MYCBP2: variants seen among roughly 807,000 people sequenced by gnomAD.
MYCBP2 encodes E3 ubiquitin-protein ligase MYCBP2.
A neutral mutation model predicts 525.3 loss-of-function variants in MYCBP2; 120 were observed. That is an observed-to-expected ratio of 0.23 (90% CI 0.20 to 0.27). The LOEUF (loss-of-function observed/expected upper bound fraction) is 0.27. Ranked by LOEUF, MYCBP2 falls within the 10% of genes least tolerant of loss-of-function variation. MYCBP2 has a pLI of 1.00. For synonymous variants in MYCBP2, 1,894 were observed against 1,955.8 expected, an observed-to-expected ratio of 0.97 and a Z score of 0.83; for missense variants, 4,149 against 5,657.1, an observed-to-expected ratio of 0.73 and a Z score of 8.55.
At chr13:77,133,363 CA>C (rs563003408) in intron 52 of MYCBP2, among the ~76,000 whole-genome samples, 12 of 152,236 alleles carry the variant, frequency 7.9e-5, no homozygotes, top group African/African-American at 2.6e-4. Flanking sequence ...ATGATCATAT[CA>C]AATGCAAAGA....
At chr13:77,272,813 T>G (rs1450187420) in intron 5 of MYCBP2, among the ~76,000 whole-genome samples, 1 of 152,156 alleles carries the variant, frequency 6.6e-6, no homozygotes, top group Non-Finnish European at 1.5e-5. Context: ...AGGCATCCCT[T>G]CCACCTGCCC....
chr13:77,294,180 G>T (rs12873969), intron 2 of MYCBP2, among the ~76,000 whole-genome samples: 5 of 98,106 alleles, frequency 5.1e-5, no homozygotes, highest in South Asian at 3.3e-4. Flanking sequence ...ATATAAAGTA[G>T]ATAAAATGCC....
intron 13 of MYCBP2, among the ~76,000 whole-genome samples, chr13:77,258,700 GGTAAGGGTGTGT>G (rs996129376): frequency 1.3e-5 from 2 of 151,792 alleles, no homozygotes; most frequent in Non-Finnish European, 2.9e-5. Context: ...ATTTGAAAAA[GGTAAGGGTGTGT>G]GTATATATAT....
intron 55 of MYCBP2, among the ~76,000 whole-genome samples, chr13:77,116,097 T>C (rs2049702972): frequency 6.6e-6 from 1 of 151,956 alleles, no homozygotes; most frequent in Non-Finnish European, 1.5e-5. Context: ...TAAGCCTATG[T>C]TTCCTTCTCT....
intron 10 of MYCBP2, among the ~76,000 whole-genome samples, chr13:77,262,333 C>T (rs2073434795): frequency 6.6e-6 from 1 of 152,010 alleles, no homozygotes; most frequent in South Asian, 2.1e-4. Context: ...ATCTGTTTCT[C>T]TTGTTCCAAA....
intron 51 of MYCBP2, 117 bp from the exon 52 acceptor site, chr13:77,139,453 G>T (rs778597055): frequency 1.6e-5 from 18 of 1,158,510 alleles, no homozygotes; most frequent in African/African-American, 4.6e-5. Flanking sequence ...TAAGCATCTA[G>T]TTTTTGCAGA....
chr13:77,193,008 A>G (rs2061429407), intron 27 of MYCBP2, among the ~76,000 whole-genome samples: 1 of 152,142 alleles, frequency 6.6e-6, no homozygotes, highest in South Asian at 2.1e-4. Context: ...ATGCGACTGT[A>G]GTCCCAACTA....
intron 1 of MYCBP2, among the ~76,000 whole-genome samples, chr13:77,319,228 G>A (rs1463351022): frequency 6.6e-6 from 1 of 152,124 alleles, no homozygotes; most frequent in Non-Finnish European, 1.5e-5. Flanking sequence ...CAGTAGGCGA[G>A]AGAGGAGGAG....
At chr13:77,297,930 A>G (rs2078368108) in intron 1 of MYCBP2, among the ~76,000 whole-genome samples, 1 of 152,226 alleles carries the variant, frequency 6.6e-6, no homozygotes, top group Non-Finnish European at 1.5e-5. Context: ...TCATTTCTGC[A>G]CATCCATACC....
chr13:77,165,468 T>A, intron 41 of MYCBP2, 77 bp from the exon 42 acceptor site: 1 of 1,050,780 alleles, frequency 9.5e-7, no homozygotes. Context: ...TCCAATGGAC[T>A]TTCTCTTTTA....
chr13:77,231,700 T>C (rs1436923714), intron 18 of MYCBP2, among the ~76,000 whole-genome samples: 1 of 152,242 alleles, frequency 6.6e-6, no homozygotes, highest in Non-Finnish European at 1.5e-5. Context: ...GAAAAGGTTT[T>C]AAACTGTTTC....
intron 39 of MYCBP2, among the ~76,000 whole-genome samples, 173 bp from the exon 40 acceptor site, chr13:77,168,819 G>A (rs2154219225): frequency 6.6e-6 from 1 of 152,190 alleles, no homozygotes; most frequent in South Asian, 2.1e-4. Context: ...ATTTATCTTA[G>A]ATGTTACATG....
chr13:77,162,050 A>G (rs1166858921), intron 43 of MYCBP2, 95 bp from the exon 44 acceptor site: 2 of 829,580 alleles, frequency 2.4e-6, no homozygotes, highest in African/African-American at 3.5e-5. Flanking sequence ...TTTTTAAAAA[A>G]ATAATTCTGC....
chr13:77,186,177 TGA>T (rs1323946147), intron 30 of MYCBP2, 114 bp from the exon 31 acceptor site: 5 of 755,686 alleles, frequency 6.6e-6, no homozygotes, highest in Non-Finnish European at 9.7e-6. Flanking sequence ...ATTTTTTTAC[TGA>T]GTTTTTTAAT....
chr13:77,132,559 A>G (rs1370080044), intron 52 of MYCBP2, among the ~76,000 whole-genome samples: 3 of 152,178 alleles, frequency 2.0e-5, no homozygotes, highest in Admixed American at 2.0e-4. Context: ...CAGAAACTCA[A>G]TTCTGTAAGA....
At chr13:77,106,408 A>C (rs1313954744) in intron 55 of MYCBP2, among the ~76,000 whole-genome samples, 1 of 152,176 alleles carries the variant, frequency 6.6e-6, no homozygotes, top group East Asian at 1.9e-4. Flanking sequence ...GCAATGTTCA[A>C]AGAATTGTAA....
intron 55 of MYCBP2, among the ~76,000 whole-genome samples, chr13:77,119,557 CA>C (rs1028526342): frequency 6.6e-6 from 1 of 151,772 alleles, no homozygotes; most frequent in Non-Finnish European, 1.5e-5. Flanking sequence ...AAAAAACTTA[CA>C]AAAAACAGCT....
At position 77,221,498 on chromosome 13, in the gene MYCBP2, T is replaced by C. The variant is rs1026147603; in HGVS notation, c.2939+2953A>G. Among the ~76,000 whole-genome samples, 18 of 152,168 alleles carry C rather than the reference T, an allele frequency of 1.2e-4. No individual in the cohort carries two copies. The South Asian group carries it at 1.7e-3, about 14-fold the overall frequency. Reference sequence around the variant, plus strand: ...GTGCCAAGTGCACAGTAAGATAACATAACCTGACTATAACATGGCCATGCT... The same window carrying C: ...GTGCCAAGTGCACAGTAAGATAACACAACCTGACTATAACATGGCCATGCT... On this transcript the variant is annotated intron_variant, in intron 20 of 82. Transcript: ENST00000544440.
At chr13:77,131,521 C>A (rs867283116) in intron 52 of MYCBP2, among the ~76,000 whole-genome samples, 3,115 of 139,216 alleles carry the variant, frequency 0.022, 98 homozygotes, top group African/African-American at 0.074. Flanking sequence ...CAAACAAACA[C>A]ACACACACAC....
Sources: gnomAD v4.1 joint callset for allele counts (sites outside exome capture counted in the v4.1 genomes callset) on GRCh38, gnomAD v4.1.1 for gene constraint, MANE v1.5 for transcripts, NCBI Gene and HGNC (gene_info 2026-07-23, HGNC 2026-07-21) for gene names.